Variants in MORC1 observed in about 807,000 individuals in gnomAD.
MORC1 encodes the protein MORC family CW-type zinc finger 1, also known as MORC family CW-type zinc finger protein 1.
Under a neutral mutation model 134.9 loss-of-function variants are expected in MORC1, and 59 were observed. That is an observed-to-expected ratio of 0.44 (90% confidence interval 0.35 to 0.54). MORC1 has a LOEUF of 0.54. MORC1 is among the 20% of genes least tolerant of loss of function. MORC1 has a pLI of 0.00. For synonymous variants in MORC1, 395 were observed against 391.7 expected (o/e 1.01, Z -0.10); for missense variants, 947 against 1,134.5 (o/e 0.83, Z 2.37).
At chr3:109,070,859 A>G (rs1950301230) in intron 8 of MORC1, among the ~76,000 whole-genome samples, 1 of 152,168 alleles carries the variant, frequency 6.6e-6, no homozygotes, top group African/African-American at 2.4e-5. Context: ...AGCTCATTAA[A>G]AAGTCAGGAA....
chr3:108,962,971 G>A (rs938746739), intron 27 of MORC1, among the ~76,000 whole-genome samples: 2 of 151,952 alleles, frequency 1.3e-5, no homozygotes, highest in Admixed American at 1.3e-4. Flanking sequence ...ATTACCTACT[G>A]GTCACATGTT....
intron 8 of MORC1, among the ~76,000 whole-genome samples, chr3:109,074,218 A>C (rs562921328): frequency 3.2e-4 from 48 of 152,258 alleles, no homozygotes; most frequent in Non-Finnish European, 6.5e-4. Flanking sequence ...GCTGCCTGAG[A>C]TCGATCCCGA....
chr3:108,965,023 G>A (rs781254367), intron 26 of MORC1, among the ~76,000 whole-genome samples: 16 of 152,124 alleles, frequency 1.1e-4, no homozygotes, highest in Non-Finnish European at 2.4e-4. Context: ...TCCTATAGAG[G>A]CTGCAGGCAA....
In MORC1 at chr3:108,990,407, G is replaced by C. The variant is rs565400335; in HGVS notation, c.2188-3458C>G. Among the ~76,000 whole-genome samples the C allele has an allele frequency of 5.9e-5, 9 of 152,012 alleles. No individual in the cohort carries two copies. The South Asian group carries it at 1.9e-3, about 32-fold the overall frequency. On this transcript the variant is annotated intron_variant, in intron 21 of 27. Transcript: ENST00000232603. Reference sequence around the variant, plus strand: ...AGAAGCTCTTTTACAAATATGCCAGGCACACTCCTCTCACGTCTTTGGCTT... The same window carrying C: ...AGAAGCTCTTTTACAAATATGCCAGCCACACTCCTCTCACGTCTTTGGCTT...
At chr3:109,056,022 G>A (rs1949952718) in intron 13 of MORC1, among the ~76,000 whole-genome samples, 1 of 152,090 alleles carries the variant, frequency 6.6e-6, no homozygotes, top group African/African-American at 2.4e-5. Context: ...GAAGATTCAA[G>A]GCCAAGGAAA....
At chr3:109,002,838 T>G (rs573567865) in intron 20 of MORC1, among the ~76,000 whole-genome samples, 1 of 152,334 alleles carries the variant, frequency 6.6e-6, no homozygotes, top group South Asian at 2.1e-4. Context: ...GACTGGCCTA[T>G]AGTACCTGCC....
intron 21 of MORC1, among the ~76,000 whole-genome samples, chr3:108,993,632 T>A (rs1287338383): frequency 6.6e-6 from 1 of 152,192 alleles, no homozygotes; most frequent in East Asian, 1.9e-4. Flanking sequence ...AATCACCCGC[T>A]TTTGAAATTA....
At chr3:109,062,172 T>C in intron 10 of MORC1, 114 bp from the exon 11 acceptor site, 1 of 883,998 alleles carries the variant, frequency 1.1e-6, no homozygotes, top group East Asian at 2.5e-5. Flanking sequence ...GACCATGATC[T>C]GAGAAAACCC....
At chr3:109,050,393 A>C (rs183234318) in intron 14 of MORC1, among the ~76,000 whole-genome samples, 2 of 152,292 alleles carry the variant, frequency 1.3e-5, no homozygotes, top group East Asian at 3.9e-4. Context: ...CCTGGTTCTT[A>C]GATGGCTGTC....
intron 8 of MORC1, among the ~76,000 whole-genome samples, chr3:109,091,441 CTAAAAAAATAAA>C (rs1436677703): frequency 6.1e-4 from 13 of 21,168 alleles, no homozygotes; most frequent in East Asian, 0.011. Context: ...GAGACTCCAT[CTAAAAAAATAAA>C]TAAATAAATA....
At chr3:109,111,878 G>A (rs2107805094) in intron 2 of MORC1, among the ~76,000 whole-genome samples, 1 of 152,290 alleles carries the variant, frequency 6.6e-6, no homozygotes, top group African/African-American at 2.4e-5. Flanking sequence ...CTAGCCAATT[G>A]CTGCTTCTCA....
At chr3:109,068,308 C>T (rs1471463462) in intron 9 of MORC1, among the ~76,000 whole-genome samples, 2 of 152,148 alleles carry the variant, frequency 1.3e-5, no homozygotes, top group African/African-American at 4.8e-5. Context: ...GCATCTATCA[C>T]TCAAACAGTA....
chr3:109,083,600 C>T (rs1164822883), intron 8 of MORC1, among the ~76,000 whole-genome samples: 2 of 152,132 alleles, frequency 1.3e-5, no homozygotes. Context: ...AGAACTAATA[C>T]CAATTCTACT....
chr3:109,019,977 G>GTA (rs1296054949), intron 17 of MORC1, among the ~76,000 whole-genome samples: 2 of 152,146 alleles, frequency 1.3e-5, no homozygotes, highest in African/African-American at 4.8e-5. Flanking sequence ...TGACCACATG[G>GTA]TATAATACAT....
At chr3:109,017,430 TG>T (rs1253517126) in intron 17 of MORC1, among the ~76,000 whole-genome samples, 2 of 152,194 alleles carry the variant, frequency 1.3e-5, no homozygotes, top group Non-Finnish European at 2.9e-5. Context: ...AATTTGCACA[TG>T]TTAAGTGTAC....
chr3:108,983,676 G>A (rs1287030918), intron 23 of MORC1, among the ~76,000 whole-genome samples: 6 of 152,038 alleles, frequency 3.9e-5, no homozygotes, highest in Non-Finnish European at 5.9e-5. Context: ...AAATAACTAC[G>A]GAACAAATTA....
rs1245462491 is a variant in MORC1, at chr3:109,060,695, C to G, written c.967-825G>C. On this transcript the variant is annotated intron_variant, in intron 11 of 27. Coordinates refer to ENST00000232603, the MANE Select transcript of MORC1 (RefSeq NM_014429.4). ...TAAGACGTCAAAAGTTCAGGTCATTCTGCTTTGCTCTCTTCTCTGCCTTAA... is the reference window on the plus strand; with the variant it reads ...TAAGACGTCAAAAGTTCAGGTCATTGTGCTTTGCTCTCTTCTCTGCCTTAA... Among the ~76,000 whole-genome samples, 9 of 152,148 alleles carry G rather than the reference C, an allele frequency of 5.9e-5. No homozygotes were observed. In the East Asian group the frequency reaches 1.5e-3, roughly 26 times the overall value.
At chr3:109,088,309 T>G (rs548632257) in intron 8 of MORC1, among the ~76,000 whole-genome samples, 75 of 152,228 alleles carry the variant, frequency 4.9e-4, no homozygotes, top group African/African-American at 1.8e-3. Flanking sequence ...TGGGAGAAAG[T>G]ATTTGCAAAC....
At chr3:109,108,426 T>C (rs947501630) in intron 3 of MORC1, among the ~76,000 whole-genome samples, 1 of 152,084 alleles carries the variant, frequency 6.6e-6, no homozygotes, top group African/African-American at 2.4e-5. Context: ...GTGCTCTGAA[T>C]GAAAGGCAGC....
Sources: allele counts gnomAD v4.1 joint callset (sites outside exome capture counted in the v4.1 genomes callset), GRCh38; gene constraint gnomAD v4.1.1; transcripts MANE v1.5; gene names NCBI Gene and HGNC (gene_info 2026-07-23, HGNC 2026-07-21).